LGSN: variants seen among roughly 807,000 people sequenced by gnomAD.
LGSN encodes lengsin, lens protein with glutamine synthetase domain.
LGSN carries 21 observed loss-of-function variants against 19.5 expected under a neutral mutation model. The observed-to-expected ratio is 1.07, with a 90% CI of 0.76 to 1.55. The LOEUF (loss-of-function observed/expected upper bound fraction) is 1.55. LGSN is among the 40% of genes most tolerant of loss of function. The probability of loss-of-function intolerance (pLI) is 0.00; values close to 1 mark genes in which losing one functional copy is unlikely to be tolerated. For missense variants in LGSN, 673 were observed against 608.5 expected, an observed-to-expected ratio of 1.11 and a Z score of -1.12; for synonymous variants, 257 against 215.6, an observed-to-expected ratio of 1.19 and a Z score of -1.68.
At chr6:63,538,800 C>A in the LGSN span, among the ~76,000 whole-genome samples, 1 of 152,110 alleles carries the variant, frequency 6.6e-6, no homozygotes, top group Non-Finnish European at 1.5e-5. Flanking sequence ...GTCTGAAGTC[C>A]AAGCCAATTT....
chr6:63,523,646 C>T, the LGSN span, among the ~76,000 whole-genome samples: 1 of 152,202 alleles, frequency 6.6e-6, no homozygotes, highest in Admixed American at 6.5e-5. Flanking sequence ...CTAGAGCAAG[C>T]TTATCCATGC....
chr6:63,423,190 T>C, the LGSN span, among the ~76,000 whole-genome samples: 1 of 151,812 alleles, frequency 6.6e-6, no homozygotes, highest in Non-Finnish European at 1.5e-5. Flanking sequence ...CTACAAAAAA[T>C]AAAAAATGAG....
At chr6:63,554,800 A>G in the LGSN span, among the ~76,000 whole-genome samples, 46 of 152,258 alleles carry the variant, frequency 3.0e-4, no homozygotes, top group African/African-American at 1.1e-3. Flanking sequence ...AAAATGGAAC[A>G]ATTTATCAAG....
the LGSN span, among the ~76,000 whole-genome samples, chr6:63,569,248 A>T: frequency 2.1e-3 from 315 of 152,238 alleles, 2 homozygotes; most frequent in African/African-American, 7.2e-3. Context: ...CTTCCATAAA[A>T]ATATCGCTTA....
the LGSN span, among the ~76,000 whole-genome samples, chr6:63,390,594 C>A: frequency 6.6e-6 from 1 of 151,524 alleles, no homozygotes; most frequent in Non-Finnish European, 1.5e-5. Context: ...CGGTGGCTCA[C>A]GCCTGTAATC....
At chr6:63,318,523 AC>A (rs1768955053) in intron 1 of LGSN, among the ~76,000 whole-genome samples, 1 of 152,104 alleles carries the variant, frequency 6.6e-6, no homozygotes, top group South Asian at 2.1e-4. Context: ...GCCAAGATTC[AC>A]CTTTATTACA....
the LGSN span, among the ~76,000 whole-genome samples, chr6:63,491,342 G>T: frequency 6.6e-6 from 1 of 152,174 alleles, no homozygotes; most frequent in African/African-American, 2.4e-5. Flanking sequence ...CCACTTCAGG[G>T]CTGGGCACTT....
chr6:63,315,249 C>T (rs967446836), intron 1 of LGSN, among the ~76,000 whole-genome samples: 1 of 152,078 alleles, frequency 6.6e-6, no homozygotes, highest in Non-Finnish European at 1.5e-5. Flanking sequence ...TCAGACTTCT[C>T]CTTTATAAAA....
chr6:63,432,856 G>A, the LGSN span, among the ~76,000 whole-genome samples: 1 of 152,110 alleles, frequency 6.6e-6, no homozygotes, highest in Non-Finnish European at 1.5e-5. Flanking sequence ...AGGAAAAGAT[G>A]AGACCCAAAG....
the LGSN span, among the ~76,000 whole-genome samples, chr6:63,484,113 C>T: frequency 6.6e-6 from 1 of 152,120 alleles, no homozygotes; most frequent in African/African-American, 2.4e-5. Flanking sequence ...ATGATGGCAC[C>T]ACTGCACTCC....
chr6:63,502,682 A>G, the LGSN span, among the ~76,000 whole-genome samples: 1 of 152,324 alleles, frequency 6.6e-6, no homozygotes, highest in East Asian at 1.9e-4. Context: ...ATGTTGCTGA[A>G]CCTTCTAAAA....
chr6:63,306,979 C>T (rs546167916), intron 1 of LGSN, among the ~76,000 whole-genome samples: 58 of 152,034 alleles, frequency 3.8e-4, no homozygotes, highest in African/African-American at 1.2e-3. Context: ...TCAAAACTAC[C>T]GGAATGCTGT....
the LGSN span, among the ~76,000 whole-genome samples, chr6:63,530,755 AT>A: frequency 7.5e-4 from 114 of 152,330 alleles, no homozygotes; most frequent in South Asian, 4.1e-3. Flanking sequence ...ACCTGAATTC[AT>A]TTTTTCTTAT....
intron 1 of LGSN, among the ~76,000 whole-genome samples, chr6:63,316,402 T>A (rs928695585): frequency 6.6e-6 from 1 of 152,062 alleles, no homozygotes; most frequent in African/African-American, 2.4e-5. Flanking sequence ...GGGCAAGTTA[T>A]GCAAAATCTA....
At chr6:63,530,216 C>A in the LGSN span, among the ~76,000 whole-genome samples, 1 of 152,056 alleles carries the variant, frequency 6.6e-6, no homozygotes, top group African/African-American at 2.4e-5. Context: ...ATTTACTTAA[C>A]ACTTTTTTTT....
chr6:63,404,372 T>C, the LGSN span, among the ~76,000 whole-genome samples: 74 of 152,252 alleles, frequency 4.9e-4, 1 homozygote, highest in African/African-American at 1.8e-3. Flanking sequence ...ATAGATGGAA[T>C]CTACCAAAAA....
At chr6:63,520,630 CAAAT>C in the LGSN span, among the ~76,000 whole-genome samples, 6,981 of 138,968 alleles carry the variant, frequency 0.05, 249 homozygotes, top group African/African-American at 0.097. Context: ...GACTCTGTCT[CAAAT>C]AAATAAATAA....
the LGSN span, among the ~76,000 whole-genome samples, chr6:63,534,887 A>G: frequency 6.7e-6 from 1 of 149,630 alleles, no homozygotes. Flanking sequence ...ACATGGTGAA[A>G]TTTCTTTACT....
chr6:63,520,871 A>G, the LGSN span, among the ~76,000 whole-genome samples: 2 of 152,144 alleles, frequency 1.3e-5, no homozygotes, highest in Non-Finnish European at 2.9e-5. Context: ...ATGAACAATC[A>G]GTTTATATAC....
Sources: gnomAD v4.1 joint callset for allele counts (sites outside exome capture counted in the v4.1 genomes callset) on GRCh38, gnomAD v4.1.1 for gene constraint, MANE v1.5 for transcripts, NCBI Gene and HGNC (gene_info 2026-07-23, HGNC 2026-07-21) for gene names.